Variants in RAD51B observed in about 807,000 individuals in gnomAD.
The protein encoded by RAD51B is RAD51 paralog B, also known as DNA repair protein RAD51 homolog 2.
In RAD51B, 38 loss-of-function variants were observed where a neutral mutation model predicts 42.2. The observed-to-expected ratio is 0.90, with a 90% CI of 0.70 to 1.18. RAD51B has a LOEUF of 1.18. RAD51B is among the 50% of genes most tolerant of loss of function. The pLI is 0.00. For synonymous variants in RAD51B, 154 were observed against 145.2 expected (o/e 1.06, Z -0.43); for missense variants, 373 against 400.7 (o/e 0.93, Z 0.59).
intron 7 of RAD51B, among the ~76,000 whole-genome samples, chr14:68,181,435 C>A (rs974941694): frequency 6.6e-6 from 1 of 152,232 alleles, no homozygotes; most frequent in African/African-American, 2.4e-5. Context: ...AAGGAACTTT[C>A]ATCCCAAAGG....
At chr14:67,921,965 C>G (rs2044341487) in intron 7 of RAD51B, among the ~76,000 whole-genome samples, 1 of 152,250 alleles carries the variant, frequency 6.6e-6, no homozygotes, top group East Asian at 1.9e-4. Context: ...CTCTGACTAC[C>G]AGGATAGGCT....
rs1241325259 is a variant in RAD51B, at chr14:68,671,574, TC to T, written c.*11+20720del. 5.3e-5 allele frequency among the ~76,000 whole-genome samples: 8 copies of T among 151,254 alleles called. No individual in the cohort carries two copies. In the South Asian group the frequency reaches 1.7e-3, roughly 32 times the overall value. Reference sequence around the variant, plus strand: ...CTGCTCTCTCCCCCAACACCCCGCCTCCGACAACCTCTGGGGAGCATGGAGT... The same window carrying T: ...CTGCTCTCTCCCCCAACACCCCGCCTCGACAACCTCTGGGGAGCATGGAGT... On this transcript the variant is annotated intron_variant, in intron 11 of 11. Transcript: ENST00000488612.
chr14:68,386,564 C>T (rs1290949997), intron 8 of RAD51B, among the ~76,000 whole-genome samples: 2 of 152,194 alleles, frequency 1.3e-5, no homozygotes, highest in Admixed American at 1.3e-4. Context: ...ATTTTAGCAG[C>T]AGGGGATGAT....
chr14:68,000,759 C>T (rs906735199), intron 7 of RAD51B, among the ~76,000 whole-genome samples: 22 of 151,872 alleles, frequency 1.4e-4, no homozygotes, highest in Non-Finnish European at 2.8e-4. Flanking sequence ...ATGATGAGAC[C>T]GGAAATGAGA....
intron 7 of RAD51B, among the ~76,000 whole-genome samples, chr14:68,277,499 T>C (rs918545033): frequency 8.5e-5 from 13 of 152,300 alleles, no homozygotes; most frequent in Admixed American, 4.6e-4. Context: ...TTAGGCCCAT[T>C]TATATGCTGT....
intron 7 of RAD51B, among the ~76,000 whole-genome samples, chr14:67,918,957 G>A (rs564994234): frequency 6.6e-6 from 1 of 152,242 alleles, no homozygotes; most frequent in South Asian, 2.1e-4. Flanking sequence ...AGGAAAATGG[G>A]GAATGTAACA....
At chr14:68,655,303 G>A (rs910951881) in intron 11 of RAD51B, among the ~76,000 whole-genome samples, 6 of 152,058 alleles carry the variant, frequency 3.9e-5, no homozygotes, top group African/African-American at 1.5e-4. Flanking sequence ...GCCTGAGCAG[G>A]TTCACAGCTG....
chr14:68,308,594 A>G (rs2081911794), intron 8 of RAD51B, among the ~76,000 whole-genome samples: 1 of 151,538 alleles, frequency 6.6e-6, no homozygotes, highest in South Asian at 2.1e-4. Context: ...AAGAAACAAA[A>G]CTTTCTAGAG....
chr14:68,494,756 G>A (rs1396210217), intron 10 of RAD51B, among the ~76,000 whole-genome samples: 2 of 152,060 alleles, frequency 1.3e-5, no homozygotes, highest in African/African-American at 4.8e-5. Flanking sequence ...AAGAAGGGTC[G>A]TGTTCTCTGG....
chr14:67,946,965 C>T (rs139348635), intron 7 of RAD51B, among the ~76,000 whole-genome samples: 1 of 152,028 alleles, frequency 6.6e-6, no homozygotes, highest in Non-Finnish European at 1.5e-5. Context: ...ATATTTAAGT[C>T]CCTTATTTTG....
intron 9 of RAD51B, among the ~76,000 whole-genome samples, chr14:68,426,893 G>A (rs2140123389): frequency 6.6e-6 from 1 of 152,266 alleles, no homozygotes; most frequent in Middle Eastern, 3.4e-3. Flanking sequence ...TCCAGGGACA[G>A]ACCCAGGGTA....
chr14:67,854,240 C>T (rs1011210136), intron 4 of RAD51B, among the ~76,000 whole-genome samples: 1 of 152,178 alleles, frequency 6.6e-6, no homozygotes, highest in Admixed American at 6.5e-5. Flanking sequence ...GTAAAATCTT[C>T]CCCTTCCTCC....
chr14:67,969,476 A>T (rs2074854972), intron 7 of RAD51B, among the ~76,000 whole-genome samples: 1 of 152,146 alleles, frequency 6.6e-6, no homozygotes, highest in African/African-American at 2.4e-5. Context: ...CCTGTTCCGT[A>T]TGCCTAAATC....
Position 68,268,006 on chromosome 14 carries a change from T to A in RAD51B, c.757-23878T>A, listed in dbSNP as rs2081027093. ...CTGCAGTTATAAATCACTGTTGTTT[T>A]AAGTAAGTGACCTAAATGCCATTTT... On this transcript the variant is annotated intron_variant, in intron 7 of 10. Transcript: ENST00000471583. Among the ~76,000 whole-genome samples the A allele has an allele frequency of 2.0e-5, 3 of 152,348 alleles. No homozygotes were observed. In the South Asian group the frequency reaches 6.2e-4, roughly 32 times the overall value.
At chr14:67,903,521 A>G (rs1156294454) in intron 7 of RAD51B, among the ~76,000 whole-genome samples, 1 of 152,214 alleles carries the variant, frequency 6.6e-6, no homozygotes, top group African/African-American at 2.4e-5. Context: ...ATAAGGTAGT[A>G]GATAGTAAGT....
At chr14:68,049,102 G>A (rs530562058) in intron 7 of RAD51B, among the ~76,000 whole-genome samples, 3 of 151,872 alleles carry the variant, frequency 2.0e-5, no homozygotes, top group South Asian at 2.1e-4. Context: ...GCAGACTACC[G>A]CAAGGACAAA....
chr14:68,452,713 T>C (rs2085587514), intron 9 of RAD51B, among the ~76,000 whole-genome samples: 3 of 151,674 alleles, frequency 2.0e-5, no homozygotes, highest in Admixed American at 6.5e-5. Flanking sequence ...GGAAAGAAAC[T>C]AATATTTCTC....
Position 68,621,224 on chromosome 14 carries a change from AT to A in RAD51B, c.1037-29556del, listed in dbSNP as rs200331522. ...CATTCATGATGGCAGCTCCTTCTCA[AT>A]GGAAAGCAAAAGCCCCTTGCCAGAG... On this transcript the variant is annotated intron_variant, in intron 10 of 11. Coordinates refer to the RAD51B transcript ENST00000488612. Among the ~76,000 whole-genome samples, 1,078 of 152,250 alleles carry A rather than the reference AT, an allele frequency of 7.1e-3. 2 individuals are homozygous for A. Among genetic ancestry groups the A allele is most frequent in the Middle Eastern group, 0.044 (13 of 294 alleles).
intron 7 of RAD51B, among the ~76,000 whole-genome samples, chr14:68,177,975 A>C (rs899985467): frequency 6.6e-6 from 1 of 152,178 alleles, no homozygotes; most frequent in African/African-American, 2.4e-5. Context: ...AGTAGGCAGA[A>C]TACCTGGTCT....
Sources: gnomAD v4.1 joint callset for allele counts (sites outside exome capture counted in the v4.1 genomes callset) on GRCh38, gnomAD v4.1.1 for gene constraint, MANE v1.5 for transcripts, NCBI Gene and HGNC (gene_info 2026-07-23, HGNC 2026-07-21) for gene names.